Variants in VEPH1 observed in about 807,000 individuals in gnomAD.
The protein encoded by VEPH1 is ventricular zone expressed PH domain containing 1.
VEPH1 carries 80 observed loss-of-function variants against 85.2 expected under a neutral mutation model. The observed-to-expected ratio is 0.94, with a 90% confidence interval of 0.78 to 1.13. The LOEUF (loss-of-function observed/expected upper bound fraction) is 1.13, where lower values mean the gene tolerates loss of function less well. VEPH1 is among the 50% of genes most tolerant of loss of function. The pLI, the probability that VEPH1 is intolerant of heterozygous loss-of-function variation, is 0.00. For synonymous variants in VEPH1, 297 were observed against 348.0 expected (o/e 0.85, Z 1.63); for missense variants, 955 against 980.5 (o/e 0.97, Z 0.35).
chr3:157,298,791 G>A (rs908264835), intron 11 of VEPH1, among the ~76,000 whole-genome samples: 1 of 151,520 alleles, frequency 6.6e-6, no homozygotes, highest in African/African-American at 2.4e-5. Context: ...TTTTTTTACT[G>A]AATTAAAAAA....
intron 5 of VEPH1, among the ~76,000 whole-genome samples, chr3:157,424,263 A>G (rs1732582248): frequency 1.3e-5 from 2 of 152,236 alleles, no homozygotes; most frequent in South Asian, 4.1e-4. Context: ...GCCTCCTGCC[A>G]TGATTCTGAG....
Position 157,438,033 on chromosome 3 carries a change from GCGCGCACACACACACACA to G in VEPH1, c.530-9563_530-9546del, listed in dbSNP as rs1275201127. On this transcript the variant is annotated intron_variant, in intron 4 of 13. Transcript: ENST00000362010. ...GCTTTCATGGGAAGCGCGCGCGCGC[GCGCGCACACACACACACA>G]CACACACACACACACACACACCCCT... 2.6e-3 allele frequency: 2,029 copies of G among 794,040 alleles called. 29 individuals are homozygous for G. The African/African-American group carries it at 0.037, about 14-fold the overall frequency. The allele number at this position is 794,040 out of a possible 1,614,324, so 49.2% of individuals were successfully genotyped here. A position where few individuals can be genotyped will look rare whatever the true frequency, so the allele number is the denominator to read the frequency against.
chr3:157,332,402 C>T (rs1430886453), intron 9 of VEPH1, among the ~76,000 whole-genome samples: 1 of 152,150 alleles, frequency 6.6e-6, no homozygotes. Flanking sequence ...TTCATTTCCC[C>T]TCCTCCTAGC....
intron 9 of VEPH1, among the ~76,000 whole-genome samples, chr3:157,350,673 C>CA (rs1388027771): frequency 2.6e-5 from 4 of 151,708 alleles, no homozygotes; most frequent in Admixed American, 1.3e-4. Context: ...ATCTTAACAG[C>CA]AAAAAAATCT....
intron 9 of VEPH1, among the ~76,000 whole-genome samples, chr3:157,340,308 C>A (rs543428427): frequency 6.6e-6 from 1 of 152,210 alleles, no homozygotes; most frequent in Non-Finnish European, 1.5e-5. Flanking sequence ...CCTGGAAAAT[C>A]GGGTCATGCC....
chr3:157,442,928 G>A (rs1734254424), intron 4 of VEPH1: 2 of 1,613,928 alleles, frequency 1.2e-6, no homozygotes, highest in African/African-American at 1.3e-5. Flanking sequence ...ATATTGTTGG[G>A]TGGGGAGTCA....
intron 12 of VEPH1, among the ~76,000 whole-genome samples, chr3:157,282,230 T>C (rs968082800): frequency 2.0e-5 from 3 of 152,180 alleles, no homozygotes; most frequent in African/African-American, 7.2e-5. Context: ...GTCTATGCTA[T>C]GTTGGCCAGG....
intron 6 of VEPH1, among the ~76,000 whole-genome samples, chr3:157,413,199 G>A (rs775598004): frequency 6.6e-6 from 1 of 152,112 alleles, no homozygotes; most frequent in South Asian, 2.1e-4. Context: ...AGAGAGACAT[G>A]CATGTCTTTG....
intron 11 of VEPH1, among the ~76,000 whole-genome samples, chr3:157,303,465 T>G (rs965692443): frequency 2.6e-5 from 4 of 152,206 alleles, no homozygotes; most frequent in Non-Finnish European, 4.4e-5. Flanking sequence ...TTTACCATGA[T>G]TTTGCTGTGA....
intron 6 of VEPH1, among the ~76,000 whole-genome samples, chr3:157,409,416 C>T (rs1300269755): frequency 1.3e-5 from 2 of 152,088 alleles, no homozygotes; most frequent in African/African-American, 4.8e-5. Flanking sequence ...AACAATTGAT[C>T]GGTTCTCCCA....
intron 9 of VEPH1, among the ~76,000 whole-genome samples, chr3:157,348,204 A>C (rs1439415900): frequency 6.6e-6 from 1 of 152,098 alleles, no homozygotes; most frequent in Non-Finnish European, 1.5e-5. Context: ...GCCCCCAAGC[A>C]GGAGGGGCAT....
chr3:157,307,278 A>C (rs977845741), intron 11 of VEPH1, among the ~76,000 whole-genome samples: 2 of 151,860 alleles, frequency 1.3e-5, no homozygotes, highest in Admixed American at 6.6e-5. Context: ...GTGTGTGAAC[A>C]TTCCCACTTT....
intron 12 of VEPH1, among the ~76,000 whole-genome samples, chr3:157,276,478 C>T (rs1715407815): frequency 6.6e-6 from 1 of 152,122 alleles, no homozygotes; most frequent in African/African-American, 2.4e-5. Context: ...TCTTATGTTG[C>T]TCAAAAACTT....
At chr3:157,304,178 G>C (rs1719217034) in intron 11 of VEPH1, among the ~76,000 whole-genome samples, 1 of 151,592 alleles carries the variant, frequency 6.6e-6, no homozygotes, top group Admixed American at 6.6e-5. Context: ...GTCTCCTTGG[G>C]TTCCACCCAG....
At chr3:157,316,869 A>G (rs1302290662) in intron 10 of VEPH1, among the ~76,000 whole-genome samples, 193 bp downstream of exon 10, 2 of 152,158 alleles carry the variant, frequency 1.3e-5, no homozygotes, top group Non-Finnish European at 2.9e-5. Context: ...TGGCTAACTG[A>G]TTAATAATTC....
In VEPH1 at chr3:157,318,629, A is replaced by AAAAC. The variant is rs1376972370; in HGVS notation, c.1736-1429_1736-1428insGTTT. Among the ~76,000 whole-genome samples, 578 of 149,038 alleles carry AAAAC rather than the reference A, an allele frequency of 3.9e-3. 1 individual carries two copies. Among genetic ancestry groups the AAAAC allele is most frequent in the Non-Finnish European group, 6.2e-3 (413 of 66,748 alleles). ...CCCAAAAAAACAAAACAAAACAAAAAAAAAAAGAAAGAAAGAAAGAAAGAA... is the reference window on the plus strand; with the variant it reads ...CCCAAAAAAACAAAACAAAACAAAAAAAACAAAAAAGAAAGAAAGAAAGAAAGAA... On this transcript the variant is annotated intron_variant, in intron 9 of 13. Coordinates refer to ENST00000362010, the MANE Select transcript of VEPH1 (RefSeq NM_001167912.2).
chr3:157,395,194 T>C (rs1411188922), intron 6 of VEPH1, among the ~76,000 whole-genome samples: 1 of 152,126 alleles, frequency 6.6e-6, no homozygotes, highest in Non-Finnish European at 1.5e-5. Context: ...AGTCCATGGA[T>C]GGTACTCTTG....
chr3:157,436,136 GTGTGGTGGCGGGTGCC>G (rs1309867560), intron 4 of VEPH1, among the ~76,000 whole-genome samples: 1 of 152,092 alleles, frequency 6.6e-6, no homozygotes, highest in Non-Finnish European at 1.5e-5. Context: ...AATTAACTGG[GTGTGGTGGCGGGTGCC>G]TGTAATTCCA....
intron 4 of VEPH1, chr3:157,442,939 C>T (rs755144885): frequency 6.2e-7 from 1 of 1,613,650 alleles, no homozygotes; most frequent in East Asian, 2.2e-5. Context: ...TGGGGAGTCA[C>T]AGAGATCCAG....
Sources: gnomAD v4.1 joint callset for allele counts (sites outside exome capture counted in the v4.1 genomes callset) on GRCh38, gnomAD v4.1.1 for gene constraint, MANE v1.5 for transcripts, NCBI Gene and HGNC (gene_info 2026-07-23, HGNC 2026-07-21) for gene names.